Variants in PSD3 observed in about 807,000 individuals in gnomAD.
PSD3 encodes pleckstrin and Sec7 domain containing 3.
In PSD3, 49 loss-of-function variants were observed where a neutral mutation model predicts 105.5. The ratio of observed to expected loss-of-function variants is 0.46; its 90% confidence interval spans 0.37 to 0.59. The LOEUF (loss-of-function observed/expected upper bound fraction) is 0.59. Among genes scored for constraint, PSD3 ranks in the 20% least tolerant of loss-of-function variants. The probability of loss-of-function intolerance (pLI) is 0.00; values close to 1 mark genes in which losing one functional copy is unlikely to be tolerated. For missense variants in PSD3, 1,561 were observed against 1,263.8 expected, an observed-to-expected ratio of 1.24 and a Z score of -3.57; for synonymous variants, 557 against 457.8, an observed-to-expected ratio of 1.22 and a Z score of -2.77.
chr8:18,720,741 C>T (rs1802915840), intron 9 of PSD3, among the ~76,000 whole-genome samples: 1 of 152,120 alleles, frequency 6.6e-6, no homozygotes, highest in Non-Finnish European at 1.5e-5. Flanking sequence ...GTCACAGGAG[C>T]GCCGATGCAT....
intron 4 of PSD3, among the ~76,000 whole-genome samples, chr8:18,838,024 TCC>T (rs1814269328): frequency 6.6e-6 from 1 of 152,136 alleles, no homozygotes; most frequent in African/African-American, 2.4e-5. Flanking sequence ...CAGACACAGC[TCC>T]CTAATTTCTC....
intron 1 of PSD3, among the ~76,000 whole-genome samples, chr8:19,033,114 C>T (rs758887220): frequency 6.6e-5 from 10 of 151,842 alleles, no homozygotes; most frequent in Non-Finnish European, 1.0e-4. Flanking sequence ...AACAAACAAA[C>T]GGAACAAAAC....
rs1345199869 is a variant in PSD3 at position 18,765,472 on chromosome 8, C to G, written c.2149G>C (p.Asp717His). ...ACTTTCAGCAGATCCTTGGAGAAAT[C>G]AACACCCTCATTTACCCCTTGCAGA... ...ANLQGVNEGV[D>H]FSKDLLKALY... Residue 717 changes from aspartate (D) to histidine (H), a missense_variant, in exon 9 of 16, where the codon GAT becomes CAT. Physicochemically the swap from Asp to His is moderately conservative, Grantham distance 81. Transcript: ENST00000327040. 1 of 1,611,786 alleles carries G rather than the reference C, an allele frequency of 6.2e-7. No homozygotes were observed. Among genetic ancestry groups the G allele is most frequent in the African/African-American group, 1.3e-5 (1 of 74,884 alleles).
intron 9 of PSD3, among the ~76,000 whole-genome samples, chr8:18,724,627 A>C (rs981319571): frequency 2.2e-4 from 33 of 152,012 alleles, no homozygotes; most frequent in Non-Finnish European, 2.4e-4. Context: ...AAAATAAATA[A>C]AAATAAAAAT....
At chr8:18,805,423 T>C (rs1047306307) in intron 4 of PSD3, among the ~76,000 whole-genome samples, 2 of 152,158 alleles carry the variant, frequency 1.3e-5, no homozygotes, top group Non-Finnish European at 2.9e-5. Flanking sequence ...TGAAACACAT[T>C]AAGAAAATGT....
chr8:18,942,286 ACT>A (rs1476250037), intron 1 of PSD3, among the ~76,000 whole-genome samples: 1 of 152,160 alleles, frequency 6.6e-6, no homozygotes, highest in Non-Finnish European at 1.5e-5. Flanking sequence ...ATATTTCATG[ACT>A]CACTCAAAAC....
intron 1 of PSD3, among the ~76,000 whole-genome samples, chr8:19,049,948 G>C (rs1359303216): frequency 6.6e-6 from 1 of 152,098 alleles, no homozygotes; most frequent in Non-Finnish European, 1.5e-5. Flanking sequence ...GGAAGGAATG[G>C]AGCAATTAAA....
intron 2 of PSD3, among the ~76,000 whole-genome samples, chr8:18,920,571 T>C (rs193048812): frequency 2.6e-5 from 4 of 152,248 alleles, no homozygotes; most frequent in African/African-American, 7.2e-5. Flanking sequence ...TCGATTTACA[T>C]GGTAGTTACA....
chr8:19,045,111 G>C (rs1896203), intron 1 of PSD3, among the ~76,000 whole-genome samples: 4 of 151,994 alleles, frequency 2.6e-5, no homozygotes, highest in African/African-American at 9.7e-5. Context: ...CTTGAACCCC[G>C]GAGGCAGAGG....
intron 1 of PSD3, among the ~76,000 whole-genome samples, chr8:18,953,292 T>C (rs1823358823): frequency 6.8e-6 from 1 of 147,322 alleles, no homozygotes; most frequent in Admixed American, 6.8e-5. Context: ...TATATATCTG[T>C]CTCTCTCCAT....
chr8:18,809,579 C>G (rs909386048), intron 4 of PSD3, among the ~76,000 whole-genome samples: 3 of 152,170 alleles, frequency 2.0e-5, no homozygotes, highest in African/African-American at 7.2e-5. Context: ...CATACTTATA[C>G]AAAAATATTA....
At chr8:18,575,754 T>A (rs1394474266) in intron 12 of PSD3, among the ~76,000 whole-genome samples, 2 of 152,218 alleles carry the variant, frequency 1.3e-5, no homozygotes, top group Admixed American at 1.3e-4. Context: ...AGATATTACA[T>A]GTTCCTGTTA....
At chr8:18,613,229 A>T (rs907029719) in intron 11 of PSD3, among the ~76,000 whole-genome samples, 1 of 152,116 alleles carries the variant, frequency 6.6e-6, no homozygotes, top group South Asian at 2.1e-4. Context: ...ATGAAAAACC[A>T]GACTGCCGGT....
intron 2 of PSD3, among the ~76,000 whole-genome samples, chr8:18,874,668 AG>A (rs1563373677): frequency 7.0e-6 from 1 of 142,798 alleles, no homozygotes; most frequent in Non-Finnish European, 1.5e-5. Context: ...GCACCATTGT[AG>A]TCCAGCCTGG....
At chr8:18,790,893 A>G (rs1809658403) in intron 8 of PSD3, among the ~76,000 whole-genome samples, 1 of 152,166 alleles carries the variant, frequency 6.6e-6, no homozygotes, top group Non-Finnish European at 1.5e-5. Context: ...GGATACAAAG[A>G]TCAATGTGCA....
In PSD3 at chr8:18,868,065, TGATCCTG is replaced by T. The variant is rs777892142; in HGVS notation, c.1239-3_1242del. The T allele has an allele frequency of 6.3e-7, 1 of 1,597,766 alleles. No homozygotes were observed. On this transcript the variant is annotated splice_acceptor_variant and splice_polypyrimidine_tract_variant and coding_sequence_variant and intron_variant, in exon 4 of 16. Coordinates refer to ENST00000327040, the MANE Select transcript of PSD3 (RefSeq NM_015310.4). LOFTEE classifies it high-confidence loss of function. ...CCCTTAACGTGCTCCTCTTGTTCGC[TGATCCTG>T]GAAAGTAAATAAGAGTGAAGAATTC...
chr8:18,945,848 A>G (rs1822821957), intron 1 of PSD3, among the ~76,000 whole-genome samples: 1 of 93,370 alleles, frequency 1.1e-5, no homozygotes, highest in African/African-American at 4.0e-5. Context: ...AGTGGTGCAC[A>G]CTTGTAATCC....
At chr8:18,945,751 G>A (rs771520365) in intron 1 of PSD3, among the ~76,000 whole-genome samples, 4 of 152,144 alleles carry the variant, frequency 2.6e-5, no homozygotes, top group Non-Finnish European at 2.9e-5. Context: ...CCAGGTGGGC[G>A]GATTACTTGA....
At chr8:18,635,461 A>G (rs1437392973) in intron 10 of PSD3, among the ~76,000 whole-genome samples, 1 of 152,134 alleles carries the variant, frequency 6.6e-6, no homozygotes, top group Non-Finnish European at 1.5e-5. Flanking sequence ...AATGCAGCCA[A>G]AAAAAATCCC....
Sources: allele counts gnomAD v4.1 joint callset (sites outside exome capture counted in the v4.1 genomes callset), GRCh38; gene constraint gnomAD v4.1.1; transcripts MANE v1.5; gene names NCBI Gene and HGNC (gene_info 2026-07-23, HGNC 2026-07-21).